Variants in ATRNL1 observed in about 807,000 individuals in gnomAD.
ATRNL1 encodes the protein attractin like 1, also known as attractin-like protein 1.
A neutral mutation model predicts 182.7 loss-of-function variants in ATRNL1; 95 were observed. That is an observed-to-expected ratio of 0.52 (90% CI 0.44 to 0.62). The LOEUF (loss-of-function observed/expected upper bound fraction) is 0.62, where lower values mean the gene tolerates loss of function less well. ATRNL1 is among the 20% of genes least tolerant of loss of function. ATRNL1 has a pLI of 0.00. For synonymous variants in ATRNL1, 576 were observed against 568.3 expected, an observed-to-expected ratio of 1.01 and a Z score of -0.19; for missense variants, 1,471 against 1,679.5, an observed-to-expected ratio of 0.88 and a Z score of 2.17.
chr10:115,608,200 T>C (rs993078520), intron 26 of ATRNL1, among the ~76,000 whole-genome samples: 21 of 151,950 alleles, frequency 1.4e-4, no homozygotes, highest in Non-Finnish European at 1.8e-4. Flanking sequence ...CAGTGGTATT[T>C]TCCAAGAAGA....
At chr10:115,576,438 C>A (rs1555005225) in intron 26 of ATRNL1, among the ~76,000 whole-genome samples, 1 of 151,862 alleles carries the variant, frequency 6.6e-6, no homozygotes, top group Non-Finnish European at 1.5e-5. Context: ...TAACATGTGT[C>A]AGGTGATATC....
rs116536319 is a variant in ATRNL1 at position 115,275,586 on chromosome 10, C to T, written c.2101-5769C>T. ...TGTTAGTTGAGTGCTGCTACCTAGC[C>T]CCTGCCAACCTAGATCCAATTATTC... On this transcript the variant is annotated intron_variant, in intron 13 of 28. Transcript: ENST00000355044. Among the ~76,000 whole-genome samples the T allele has an allele frequency of 3.3e-3, 505 of 152,234 alleles. 1 individual carries two copies. Among genetic ancestry groups the T allele is most frequent in the African/African-American group, 0.011 (465 of 41,526 alleles).
intron 21 of ATRNL1, among the ~76,000 whole-genome samples, chr10:115,453,166 A>G (rs1349641027): frequency 6.6e-6 from 1 of 152,142 alleles, no homozygotes; most frequent in Admixed American, 6.6e-5. Context: ...AAGTCTAGAT[A>G]TCACTTTGAG....
At chr10:115,443,895 GTATT>G (rs1554966167) in intron 21 of ATRNL1, among the ~76,000 whole-genome samples, 1 of 152,014 alleles carries the variant, frequency 6.6e-6, no homozygotes, top group African/African-American at 2.4e-5. Flanking sequence ...ATGCCTCAGA[GTATT>G]TATTATTCCT....
At chr10:115,441,855 C>A (rs1554965793) in intron 21 of ATRNL1, among the ~76,000 whole-genome samples, 1 of 151,890 alleles carries the variant, frequency 6.6e-6, no homozygotes, top group Non-Finnish European at 1.5e-5. Context: ...TTGAGCCCCC[C>A]TCTCTGATAC....
chr10:115,748,442 A>T (rs1948355356), intron 27 of ATRNL1, among the ~76,000 whole-genome samples: 1 of 147,264 alleles, frequency 6.8e-6, no homozygotes, highest in Non-Finnish European at 1.5e-5. Flanking sequence ...GCAAATGGAG[A>T]TTTTTCTTTA....
chr10:115,856,428 C>CAAAAAAAAAAAAACAAAAAAA (rs1951184431), intron 28 of ATRNL1, among the ~76,000 whole-genome samples: 1 of 22,536 alleles, frequency 4.4e-5, no homozygotes, highest in Non-Finnish European at 8.2e-5. Context: ...AGCTCCATCT[C>CAAAAAAAAAAAAACAAAAAAA]AAAAAAAAAA....
chr10:115,102,910 T>TA (rs1300062116), intron 1 of ATRNL1, among the ~76,000 whole-genome samples: 1 of 152,200 alleles, frequency 6.6e-6, no homozygotes, highest in Non-Finnish European at 1.5e-5. Flanking sequence ...GGAGAATTGA[T>TA]ATGTAAATAA....
At chr10:115,671,464 C>T (rs1376862325) in intron 26 of ATRNL1, among the ~76,000 whole-genome samples, 6 of 152,048 alleles carry the variant, frequency 3.9e-5, no homozygotes, top group East Asian at 3.9e-4. Flanking sequence ...ACATTTATTG[C>T]GCTACACATT....
intron 21 of ATRNL1, among the ~76,000 whole-genome samples, chr10:115,442,744 T>C (rs1330979079): frequency 6.6e-6 from 1 of 152,098 alleles, no homozygotes; most frequent in Non-Finnish European, 1.5e-5. Flanking sequence ...TAAAATGTCT[T>C]GTTTATTTGT....
intron 6 of ATRNL1, among the ~76,000 whole-genome samples, chr10:115,161,825 T>C (rs1298765549): frequency 6.6e-6 from 1 of 152,052 alleles, no homozygotes; most frequent in East Asian, 1.9e-4. Flanking sequence ...TGTAGTTCAA[T>C]TGTAGGTAAG....
At chr10:115,096,478 G>C (rs373994536) in intron 1 of ATRNL1, among the ~76,000 whole-genome samples, 1 of 152,128 alleles carries the variant, frequency 6.6e-6, no homozygotes, top group East Asian at 1.9e-4. Flanking sequence ...AGTGGGAAAG[G>C]CTTTAACTAG....
At chr10:115,560,291 A>G (rs1211957135) in intron 26 of ATRNL1, among the ~76,000 whole-genome samples, 1 of 152,152 alleles carries the variant, frequency 6.6e-6, no homozygotes, top group Admixed American at 6.5e-5. Flanking sequence ...TCAGTTCCAC[A>G]TGGCTGGGGA....
At chr10:115,677,855 G>A (rs1435251636) in intron 26 of ATRNL1, among the ~76,000 whole-genome samples, 4 of 151,964 alleles carry the variant, frequency 2.6e-5, no homozygotes, top group African/African-American at 9.7e-5. Flanking sequence ...GCTCCAAAGG[G>A]TATCAGTGGC....
At chr10:115,509,049 C>T (rs908982857) in intron 24 of ATRNL1, among the ~76,000 whole-genome samples, 1 of 151,948 alleles carries the variant, frequency 6.6e-6, no homozygotes, top group Admixed American at 6.6e-5. Context: ...GCTCATTTAC[C>T]CTTCTGAAAA....
At chr10:115,246,124 A>G (rs782627964) in intron 10 of ATRNL1, among the ~76,000 whole-genome samples, 2 of 152,182 alleles carry the variant, frequency 1.3e-5, no homozygotes, top group African/African-American at 2.4e-5. Flanking sequence ...AGTGCTTGGC[A>G]TGTCACACAT....
At chr10:115,853,923 G>A (rs781904698) in intron 28 of ATRNL1, among the ~76,000 whole-genome samples, 5 of 152,134 alleles carry the variant, frequency 3.3e-5, no homozygotes, top group African/African-American at 4.8e-5. Flanking sequence ...AAAATCAACA[G>A]AAGAAACTAT....
intron 27 of ATRNL1, among the ~76,000 whole-genome samples, chr10:115,779,028 T>G (rs1442075393): frequency 6.6e-6 from 1 of 152,164 alleles, no homozygotes; most frequent in African/African-American, 2.4e-5. Flanking sequence ...AGTTTTTAGT[T>G]ATATTATTGT....
chr10:115,509,261 C>T (rs1443739473), intron 24 of ATRNL1, among the ~76,000 whole-genome samples: 1 of 151,982 alleles, frequency 6.6e-6, no homozygotes, highest in Admixed American at 6.6e-5. Flanking sequence ...CACTCAAGAG[C>T]TTTGAAGGTG....
Sources: allele counts gnomAD v4.1 joint callset (sites outside exome capture counted in the v4.1 genomes callset), GRCh38; gene constraint gnomAD v4.1.1; transcripts MANE v1.5; gene names NCBI Gene and HGNC (gene_info 2026-07-23, HGNC 2026-07-21).